Variants in MIGA1 observed in about 807,000 individuals in gnomAD.
MIGA1 encodes family with sequence similarity 73, member A.
A neutral mutation model predicts 82.0 loss-of-function variants in MIGA1; 58 were observed. The ratio of observed to expected loss-of-function variants is 0.71; its 90% CI spans 0.57 to 0.88. MIGA1 has a LOEUF of 0.88. MIGA1 is among the 40% of genes least tolerant of loss of function. The probability of loss-of-function intolerance (pLI) is 0.00; values close to 1 mark genes in which losing one functional copy is unlikely to be tolerated. For synonymous variants in MIGA1, 249 were observed against 253.6 expected (o/e 0.98, Z 0.17); for missense variants, 751 against 749.1 (o/e 1.00, Z -0.03).
chr1:77,791,559 G>GT (rs71075763), intron 2 of MIGA1, among the ~76,000 whole-genome samples: 3,275 of 124,630 alleles, frequency 0.026, 41 homozygotes, highest in Middle Eastern at 0.058. Flanking sequence ...AGATATTTAA[G>GT]TTTTTTTTTT....
Position 77,875,000 on chromosome 1 carries a change from G to A in MIGA1, c.1835G>A (p.Ser612Asn). 1 of 1,614,174 alleles carries A rather than the reference G, an allele frequency of 6.2e-7. No individual in the cohort carries two copies. The highest frequency in any genetic ancestry group is 8.5e-7 in the Non-Finnish European group (1 of 1,180,020). The change falls in exon 16 of 16, where the codon AGT becomes AAT. Residue 612 changes from serine (S) to asparagine (N), a missense_variant. Transcript: ENST00000370791. ...GAAGCAGATGCCCTGAGGCATACAA[G>A]TAGTTGTCTAAGCAGTCATGGTCAT...
chr1:77,821,084 A>G (rs1683788766), intron 7 of MIGA1, among the ~76,000 whole-genome samples: 1 of 152,280 alleles, frequency 6.6e-6, no homozygotes, highest in East Asian at 1.9e-4. Flanking sequence ...CAGGGAGCCA[A>G]GATTGTGCCA....
chr1:77,823,416 G>A (rs1411019354), intron 7 of MIGA1, among the ~76,000 whole-genome samples: 1 of 152,144 alleles, frequency 6.6e-6, no homozygotes. Flanking sequence ...GGAGAATTTT[G>A]TGGTATGTAA....
At position 77,874,916 on chromosome 1, in the gene MIGA1, T is replaced by C. The variant is rs1175478782; in HGVS notation, c.1751T>C (p.Leu584Ser). The C allele has an allele frequency of 3.1e-6, 5 of 1,614,072 alleles. No individual in the cohort carries two copies. Among genetic ancestry groups the C allele is most frequent in the African/African-American group, 1.3e-5 (1 of 74,946 alleles). The stretch of plus-strand genomic sequence containing the variant: ...GTGCGCTATTCAAGTACAGAGACTT[T>C]AGCTGAAGACCTCATGCAGTTACTC... The change falls in exon 16 of 16, where the codon TTA becomes TCA. Residue 584 changes from leucine to serine, a missense_variant. Leu to Ser is a moderately radical substitution (Grantham distance 145). This residue lies in a region of MIGA1 where 265 missense variants were observed against 293.6 expected (regional missense o/e 0.90). Transcript: ENST00000370791.
At chr1:77,834,712 C>T (rs1684364683) in intron 7 of MIGA1, among the ~76,000 whole-genome samples, 1 of 152,128 alleles carries the variant, frequency 6.6e-6, no homozygotes, top group South Asian at 2.1e-4. Flanking sequence ...GATAGTCATA[C>T]AGAATAAACA....
chr1:77,793,291 C>G (rs964708574), intron 2 of MIGA1, among the ~76,000 whole-genome samples: 2 of 151,464 alleles, frequency 1.3e-5, no homozygotes, highest in African/African-American at 2.4e-5. Context: ...TTTGTAGAGA[C>G]GGGGTCTCAC....
chr1:77,785,880 T>C (rs957337073), intron 2 of MIGA1, among the ~76,000 whole-genome samples: 1 of 152,182 alleles, frequency 6.6e-6, no homozygotes, highest in African/African-American at 2.4e-5. Context: ...TGGAGGACGG[T>C]GGCCCTCTTC....
At position 77,877,322 on chromosome 1, in the gene MIGA1, C is replaced by CT. The variant is rs1484000520; in HGVS notation, c.*2261dup. On this transcript the variant is annotated 3_prime_UTR_variant, in exon 16 of 16. Transcript: ENST00000370791. ...TCAGGATCATGCTGTTTTGCATGTA[C>CT]TTTATAGGTTATATAGCATGAAACA... The CT allele has an allele frequency of 1.3e-5, 2 of 152,052 alleles. No homozygotes were observed. The highest frequency in any genetic ancestry group is 1.3e-4 in the Admixed American group (2 of 15,266). The allele number at this position is 152,052 out of a possible 1,614,324, so 9.4% of individuals were successfully genotyped here.
chr1:77,814,480 C>T (rs568135923), intron 6 of MIGA1, among the ~76,000 whole-genome samples: 1 of 151,498 alleles, frequency 6.6e-6, no homozygotes, highest in East Asian at 2.0e-4. Flanking sequence ...CACTATACCC[C>T]AGAACTCCTG....
intron 14 of MIGA1, 102 bp downstream of exon 14, chr1:77,866,493 G>T: frequency 9.5e-7 from 1 of 1,056,944 alleles, no homozygotes; most frequent in Non-Finnish European, 1.5e-6. Flanking sequence ...AGCTGTAGGA[G>T]GGGTAGGAGG....
chr1:77,783,411 G>A lies in MIGA1; in HGVS notation c.195+60G>A, dbSNP rs1483315421. 4 of 985,908 alleles carry A rather than the reference G, an allele frequency of 4.1e-6. No homozygotes were observed. The African/African-American group carries it at 6.4e-5, about 16-fold the overall frequency. The allele number at this position is 985,908 out of a possible 1,614,324, so 61.1% of individuals were successfully genotyped here. A position where few individuals can be genotyped will look rare whatever the true frequency, so the allele number is the denominator to read the frequency against. ...AAGCTTATTGCTCAGAGCATATTTTGTTTACATTATTTCAGTTTTATTTGA... is the reference window on the plus strand; with the variant it reads ...AAGCTTATTGCTCAGAGCATATTTTATTTACATTATTTCAGTTTTATTTGA... On this transcript the variant is annotated intron_variant, in intron 2 of 15. Coordinates refer to ENST00000370791, the MANE Select transcript of MIGA1 (RefSeq NM_198549.4).
At chr1:77,810,876 A>C (rs1185730739) in intron 5 of MIGA1, 5 of 1,611,396 alleles carry the variant, frequency 3.1e-6, no homozygotes, top group Non-Finnish European at 4.2e-6. Context: ...CCTTGTGCAA[A>C]GTTTGATGTA....
chr1:77,828,803 G>T (rs999457771), intron 7 of MIGA1, among the ~76,000 whole-genome samples: 5 of 152,128 alleles, frequency 3.3e-5, no homozygotes, highest in African/African-American at 1.2e-4. Flanking sequence ...CTTCCAAGTA[G>T]CTGGGACTAC....
chr1:77,873,246 C>G (rs1047392624), intron 15 of MIGA1, 126 bp downstream of exon 15: 1 of 944,768 alleles, frequency 1.1e-6, no homozygotes, highest in Non-Finnish European at 1.6e-6. Context: ...ATAAAAGTCA[C>G]CTAAATTCAG....
At chr1:77,825,788 C>G (rs1467302621) in intron 7 of MIGA1, among the ~76,000 whole-genome samples, 1 of 151,942 alleles carries the variant, frequency 6.6e-6, no homozygotes, top group East Asian at 1.9e-4. Context: ...TAACGAAAAC[C>G]TCCAATATGA....
intron 5 of MIGA1, among the ~76,000 whole-genome samples, chr1:77,809,418 G>A (rs941201719): frequency 4.6e-5 from 7 of 152,076 alleles, no homozygotes; most frequent in African/African-American, 1.7e-4. Flanking sequence ...TTATCTTTGT[G>A]TTATACAACT....
At chr1:77,866,054 A>G (rs1274007627) in intron 13 of MIGA1, among the ~76,000 whole-genome samples, 1 of 152,086 alleles carries the variant, frequency 6.6e-6, no homozygotes, top group African/African-American at 2.4e-5. Context: ...CTGGGTCTAC[A>G]GGCATGCGCC....
intron 7 of MIGA1, among the ~76,000 whole-genome samples, chr1:77,823,792 T>A (rs1448060167): frequency 2.0e-5 from 3 of 152,188 alleles, no homozygotes; most frequent in Non-Finnish European, 4.4e-5. Flanking sequence ...ACAAAATTTT[T>A]AAAAAGTTCT....
chr1:77,806,599 G>A (rs1323840720), intron 4 of MIGA1, among the ~76,000 whole-genome samples: 2 of 152,178 alleles, frequency 1.3e-5, no homozygotes, highest in South Asian at 2.1e-4. Flanking sequence ...GTATCATTTA[G>A]CAGAGAGTCA....
Sources: gnomAD v4.1 joint callset for allele counts (sites outside exome capture counted in the v4.1 genomes callset) on GRCh38, gnomAD v4.1.1 for gene constraint, gnomAD v4.1.1 regional missense constraint, MANE v1.5 for transcripts, NCBI Gene and HGNC (gene_info 2026-07-23, HGNC 2026-07-21) for gene names.